RBFOX1: variants seen among roughly 807,000 people sequenced by gnomAD.
RBFOX1 encodes the protein RNA binding protein fox-1 homolog 1.
RBFOX1 carries 8 observed loss-of-function variants against 57.7 expected under a neutral mutation model. The observed-to-expected ratio is 0.14, with a 90% CI of 0.08 to 0.25. The LOEUF (loss-of-function observed/expected upper bound fraction) is 0.25, where lower values mean the gene tolerates loss of function less well. RBFOX1 is among the 10% of genes least tolerant of loss of function. The pLI is 1.00. For missense variants in RBFOX1, 611 were observed against 548.5 expected, an observed-to-expected ratio of 1.11 and a Z score of -1.14; for synonymous variants, 326 against 222.4, an observed-to-expected ratio of 1.47 and a Z score of -4.15.
intron 3 of RBFOX1, among the ~76,000 whole-genome samples, chr16:6,882,981 A>G (rs957716421): frequency 6.6e-6 from 1 of 152,134 alleles, no homozygotes; most frequent in Non-Finnish European, 1.5e-5. Context: ...TGCCATTTCT[A>G]AAGGTGAGAT....
chr16:6,483,922 A>G (rs1248581615), intron 2 of RBFOX1: 12 of 1,083,144 alleles, frequency 1.1e-5, no homozygotes, highest in Non-Finnish European at 1.4e-5. Context: ...GCGGTATGTA[A>G]GCCGAGCTCC....
intron 10 of RBFOX1, chr16:7,614,467 G>C (rs1387039278): frequency 6.6e-6 from 1 of 152,116 alleles, no homozygotes; most frequent in Admixed American, 6.5e-5. Context: ...GATGAAGCCT[G>C]TGGGGTTTTT....
chr16:6,662,711 C>T (rs2098709093), intron 3 of RBFOX1, among the ~76,000 whole-genome samples: 1 of 151,834 alleles, frequency 6.6e-6, no homozygotes, highest in Non-Finnish European at 1.5e-5. Flanking sequence ...CCTTTTTGAC[C>T]AAGAGACCCA....
intron 14 of RBFOX1, among the ~76,000 whole-genome samples, chr16:7,681,286 A>G (rs1156594362): frequency 2.6e-5 from 4 of 152,300 alleles, no homozygotes; most frequent in Non-Finnish European, 5.9e-5. Flanking sequence ...GATGAATGGA[A>G]AAAGAGGGAA....
At chr16:6,635,652 A>G (rs1484159801) in intron 2 of RBFOX1, among the ~76,000 whole-genome samples, 3 of 152,194 alleles carry the variant, frequency 2.0e-5, no homozygotes, top group Non-Finnish European at 4.4e-5. Context: ...ATAGGCACAG[A>G]AGTAATTTCA....
At chr16:5,763,289 A>G (rs746023370) in intron 3 of RBFOX1, among the ~76,000 whole-genome samples, 1 of 152,206 alleles carries the variant, frequency 6.6e-6, no homozygotes, top group African/African-American at 2.4e-5. Context: ...AGGAAGTGTC[A>G]TGTCTGGGAA....
chr16:6,670,152 G>C (rs1449616482), intron 3 of RBFOX1, among the ~76,000 whole-genome samples: 1 of 151,904 alleles, frequency 6.6e-6, no homozygotes, highest in Non-Finnish European at 1.5e-5. Flanking sequence ...TGGGCATGTT[G>C]TACTTACTCA....
intron 1 of RBFOX1, among the ~76,000 whole-genome samples, chr16:6,102,162 C>T: frequency 7.3e-6 from 1 of 137,654 alleles, no homozygotes; most frequent in Admixed American, 7.6e-5. Context: ...TTAGGGTAAT[C>T]TTCCCTCTTT....
chr16:7,360,201 C>G (rs553022733), intron 4 of RBFOX1, among the ~76,000 whole-genome samples: 3 of 152,238 alleles, frequency 2.0e-5, no homozygotes, highest in South Asian at 2.1e-4. Context: ...CTATATATAG[C>G]ATGGTATTAT....
At chr16:6,851,893 G>A (rs776384474) in intron 3 of RBFOX1, among the ~76,000 whole-genome samples, 2 of 151,642 alleles carry the variant, frequency 1.3e-5, no homozygotes, top group Non-Finnish European at 2.9e-5. Context: ...TTTTTTGGGG[G>A]GTTGGAGAGT....
intron 1 of RBFOX1, among the ~76,000 whole-genome samples, chr16:5,277,895 T>C (rs2063180754): frequency 6.6e-6 from 1 of 152,336 alleles, no homozygotes; most frequent in East Asian, 1.9e-4. Flanking sequence ...TATCCATTCA[T>C]CCGTTGATTG....
At chr16:7,095,646 G>C (rs530635599) in intron 4 of RBFOX1, among the ~76,000 whole-genome samples, 1 of 152,260 alleles carries the variant, frequency 6.6e-6, no homozygotes, top group Non-Finnish European at 1.5e-5. Flanking sequence ...CTTGGAATGT[G>C]TTTACAGATG....
chr16:6,961,696 T>C (rs1290248222), intron 3 of RBFOX1, among the ~76,000 whole-genome samples: 4 of 152,248 alleles, frequency 2.6e-5, no homozygotes, highest in Middle Eastern at 6.8e-3. Flanking sequence ...CCTCTGGAGG[T>C]GAGGTTCCTT....
intron 4 of RBFOX1, among the ~76,000 whole-genome samples, chr16:5,970,378 A>G (rs888368560): frequency 6.6e-6 from 1 of 151,056 alleles, no homozygotes. Context: ...GGGATTTGAA[A>G]CCCCAGAGGG....
chr16:6,085,775 A>T (rs1229300598), intron 1 of RBFOX1, among the ~76,000 whole-genome samples: 1 of 151,860 alleles, frequency 6.6e-6, no homozygotes, highest in East Asian at 1.9e-4. Flanking sequence ...CCAAACATTA[A>T]TTTTTTCCGA....
chr16:7,137,446 G>C (rs568164378), intron 4 of RBFOX1, among the ~76,000 whole-genome samples: 2 of 152,090 alleles, frequency 1.3e-5, no homozygotes, highest in Admixed American at 1.3e-4. Context: ...TTTTATAAGG[G>C]GAAACCCCTT....
intron 1 of RBFOX1, among the ~76,000 whole-genome samples, chr16:6,191,866 G>C (rs150965706): frequency 6.6e-6 from 1 of 152,146 alleles, no homozygotes; most frequent in South Asian, 2.1e-4. Flanking sequence ...CAGAAACCTC[G>C]TGATTTGAAG....
intron 3 of RBFOX1, among the ~76,000 whole-genome samples, chr16:7,045,059 C>T (rs59488337): frequency 5.9e-5 from 9 of 152,036 alleles, no homozygotes; most frequent in Admixed American, 2.0e-4. Flanking sequence ...TCTTTCTTCA[C>T]GGAAGATGTG....
At chr16:6,701,024 G>C (rs1451157852) in intron 3 of RBFOX1, among the ~76,000 whole-genome samples, 2 of 143,334 alleles carry the variant, frequency 1.4e-5, no homozygotes, top group African/African-American at 5.6e-5. Context: ...GTAGAGAGCA[G>C]AGTTGGGCAG....
Sources: gnomAD v4.1 joint callset for allele counts (sites outside exome capture counted in the v4.1 genomes callset) on GRCh38, gnomAD v4.1.1 for gene constraint, MANE v1.5 for transcripts, NCBI Gene and HGNC (gene_info 2026-07-23, HGNC 2026-07-21) for gene names.